The following SYNRG variants were observed in gnomAD, a reference collection of about 807,000 sequenced individuals.
SYNRG encodes AP1 gamma subunit binding protein 1.
A neutral mutation model predicts 130.9 loss-of-function variants in SYNRG; 37 were observed. The observed-to-expected ratio is 0.28, with a 90% confidence interval of 0.22 to 0.37. SYNRG has a LOEUF of 0.37. Among genes scored for constraint, SYNRG ranks in the 10% least tolerant of loss-of-function variants. The pLI is 1.00. For synonymous variants in SYNRG, 539 were observed against 568.1 expected, an observed-to-expected ratio of 0.95 and a Z score of 0.73; for missense variants, 1,338 against 1,588.9, an observed-to-expected ratio of 0.84 and a Z score of 2.68.
rs536116102 is a variant in SYNRG, at chr17:37,599,260, G to A, written c.118+1103C>T. 2.0e-5 allele frequency among the ~76,000 whole-genome samples: 3 copies of A among 152,312 alleles called. No homozygotes were observed. The South Asian group carries it at 6.2e-4, about 32-fold the overall frequency. Reference sequence around the variant, plus strand: ...ATGAGCGGAAAGAAGCCAGATGAAGGCAGATCTATTCCTTCTTCACTGTTG... The same window carrying A: ...ATGAGCGGAAAGAAGCCAGATGAAGACAGATCTATTCCTTCTTCACTGTTG... On this transcript the variant is annotated intron_variant, in intron 2 of 21. Transcript: ENST00000612223.
intron 21 of SYNRG, among the ~76,000 whole-genome samples, chr17:37,519,375 G>A (rs2054705618): frequency 6.6e-6 from 1 of 152,210 alleles, no homozygotes; most frequent in South Asian, 2.1e-4. Context: ...AACTGAAGTA[G>A]CCAAGGGCTG....
intron 8 of SYNRG, among the ~76,000 whole-genome samples, chr17:37,572,763 A>C (rs943468209): frequency 1.3e-5 from 2 of 152,220 alleles, no homozygotes; most frequent in Non-Finnish European, 2.9e-5. Context: ...AGTTTCTGTT[A>C]AGGTGAGGAA....
intron 14 of SYNRG, among the ~76,000 whole-genome samples, chr17:37,545,226 A>T (rs1388208619): frequency 1.3e-5 from 2 of 151,472 alleles, no homozygotes; most frequent in South Asian, 2.1e-4. Context: ...TCTCAAAAAA[A>T]AAAAATAATA....
chr17:37,540,164 G>C (rs946064988), intron 16 of SYNRG, among the ~76,000 whole-genome samples: 1 of 152,260 alleles, frequency 6.6e-6, no homozygotes, highest in Non-Finnish European at 1.5e-5. Flanking sequence ...TTGGTTTTAG[G>C]GTCACTGATT....
At position 37,517,752 on chromosome 17, in the gene SYNRG, G is replaced by C. The variant is rs564632558; in HGVS notation, c.*1188C>G. 6.6e-6 allele frequency: 1 copy of C among 151,764 alleles called. No homozygotes were observed. The highest frequency in any genetic ancestry group is 2.4e-5 in the African/African-American group (1 of 41,310). The allele number at this position is 151,764 out of a possible 1,614,324, so 9.4% of individuals were successfully genotyped here. A position where few individuals can be genotyped will look rare whatever the true frequency, so the allele number is the denominator to read the frequency against. On this transcript the variant is annotated 3_prime_UTR_variant, in exon 22 of 22. Coordinates refer to ENST00000612223, the MANE Select transcript of SYNRG (RefSeq NM_007247.6). ...AGATTGAAAAATCTCTTCATAAAGC[G>C]CATAATCAACAATTCAGAGAGACGT... is the stretch of plus-strand genomic sequence containing the variant.
chr17:37,581,715 T>G (rs1373171513), intron 6 of SYNRG, among the ~76,000 whole-genome samples: 1 of 151,644 alleles, frequency 6.6e-6, no homozygotes, highest in Non-Finnish European at 1.5e-5. Context: ...GCCTCCTGAG[T>G]AGCTGGGAAT....
chr17:37,604,838 G>A (rs895214346), intron 1 of SYNRG, among the ~76,000 whole-genome samples: 5 of 152,152 alleles, frequency 3.3e-5, no homozygotes, highest in African/African-American at 1.2e-4. Flanking sequence ...ATACTGTTAT[G>A]TCTCAGGGAA....
At chr17:37,565,939 G>A (rs71531506) in intron 11 of SYNRG, among the ~76,000 whole-genome samples, 3 of 147,392 alleles carry the variant, frequency 2.0e-5, no homozygotes, top group African/African-American at 8.0e-5. Flanking sequence ...TGCCCGGCCA[G>A]CCGCCCCGTC....
intron 6 of SYNRG, chr17:37,579,311 G>A (rs991640983): frequency 1.5e-5 from 19 of 1,304,264 alleles, no homozygotes; most frequent in Non-Finnish European, 1.7e-5. Flanking sequence ...GGGCTGGGAC[G>A]TGGAAGAAGG....
At chr17:37,586,652 A>G (rs917338029) in intron 3 of SYNRG, 103 bp from the exon 4 acceptor site, 37 of 1,307,848 alleles carry the variant, frequency 2.8e-5, no homozygotes, top group Middle Eastern at 1.9e-4. Context: ...TCTTATTTGT[A>G]AAAAATAGAA....
rs1179705244 is a variant in SYNRG at position 37,579,238 on chromosome 17, C to T, written c.590-1625G>A. 11 of 1,286,230 alleles carry T rather than the reference C, an allele frequency of 8.6e-6. No individual in the cohort carries two copies. In the South Asian group the frequency reaches 1.4e-4, roughly 16 times the overall value. The allele number at this position is 1,286,230 out of a possible 1,614,324, so 79.7% of individuals were successfully genotyped here. On this transcript the variant is annotated intron_variant, in intron 6 of 21. Transcript: ENST00000612223. The stretch of plus-strand genomic sequence containing the variant: ...CTGGACTCTGACTTGGAGGGAGAGG[C>T]TGTGTCCCAGCCTTCTGTGTATGCA...
intron 6 of SYNRG, chr17:37,579,513 C>A: frequency 9.2e-7 from 1 of 1,081,572 alleles, no homozygotes; most frequent in Non-Finnish European, 1.2e-6. Context: ...TAGTACAATT[C>A]CAAAAGAATA....
rs901644507 is a variant in SYNRG, at chr17:37,579,888, C to CTT, written c.590-2277_590-2276dup. On this transcript the variant is annotated intron_variant, in intron 6 of 21. Coordinates refer to ENST00000612223, the MANE Select transcript of SYNRG (RefSeq NM_007247.6). Reference sequence around the variant, plus strand: ...AGCATACCCAGCTAATTCTTCCTTTCTTTTTTTTTTTCATAGAGATGGTGT... The same window carrying CTT: ...AGCATACCCAGCTAATTCTTCCTTTCTTTTTTTTTTTTTCATAGAGATGGTGT... Among the ~76,000 whole-genome samples the CTT allele has an allele frequency of 4.9e-3, 723 of 147,356 alleles. 5 individuals carry two copies. The highest frequency in any genetic ancestry group is 0.039 in the Middle Eastern group (11 of 282).
Position 37,540,412 on chromosome 17 carries a change from C to T in SYNRG, c.3334G>A (p.Asp1112Asn), listed in dbSNP as rs2057635762. The change falls in exon 16 of 22, where the codon GAC (aspartate) becomes AAC (asparagine). Residue 1112 changes from aspartate to asparagine, a missense_variant. Physicochemically the swap from Asp to Asn is conservative, Grantham distance 23. Around this residue, in one of 3 missense-constraint regions of SYNRG, gnomAD observed 1,146 missense variants for 1,342.3 expected, o/e 0.85. Coordinates refer to ENST00000612223, the MANE Select transcript of SYNRG (RefSeq NM_007247.6). ...NEKPALPVIR[D>N]KYKDLTGEVE... Reference sequence around the variant, plus strand: ...TCTCCCGTCAGGTCTTTGTACTTGTCTCGGATGACGGGCAGGGCGGGCTTC... The same window carrying T: ...TCTCCCGTCAGGTCTTTGTACTTGTTTCGGATGACGGGCAGGGCGGGCTTC... 6.2e-7 allele frequency: 1 copy of T among 1,613,758 alleles called. No homozygotes were observed. The highest frequency in any genetic ancestry group is 8.5e-7 in the Non-Finnish European group (1 of 1,179,890).
chr17:37,565,193 G>A (rs945504448), intron 11 of SYNRG, among the ~76,000 whole-genome samples: 4 of 152,096 alleles, frequency 2.6e-5, no homozygotes, highest in Admixed American at 1.3e-4. Context: ...GAACCTGGGA[G>A]GCAGAAGTTG....
At chr17:37,565,204 C>T (rs1158492742) in intron 11 of SYNRG, among the ~76,000 whole-genome samples, 1 of 151,806 alleles carries the variant, frequency 6.6e-6, no homozygotes, top group East Asian at 1.9e-4. Flanking sequence ...GCAGAAGTTG[C>T]AGTGAGCCGA....
At chr17:37,573,565 C>T (rs1026641099) in intron 8 of SYNRG, among the ~76,000 whole-genome samples, 1 of 152,080 alleles carries the variant, frequency 6.6e-6, no homozygotes, top group Non-Finnish European at 1.5e-5. Context: ...ATTCGTTTGG[C>T]TTGAGGACAG....
intron 19 of SYNRG, among the ~76,000 whole-genome samples, chr17:37,522,485 T>A (rs2055225839): frequency 6.6e-6 from 1 of 151,674 alleles, no homozygotes; most frequent in Non-Finnish European, 1.5e-5. Flanking sequence ...TTATTTATTT[T>A]GAGACAGGGT....
At chr17:37,527,794 G>A (rs2056126805) in intron 19 of SYNRG, among the ~76,000 whole-genome samples, 1 of 152,098 alleles carries the variant, frequency 6.6e-6, no homozygotes, top group Non-Finnish European at 1.5e-5. Context: ...CAGAAATGGG[G>A]GATGTCCTGG....
Sources: allele counts gnomAD v4.1 joint callset (sites outside exome capture counted in the v4.1 genomes callset), GRCh38; gene constraint gnomAD v4.1.1; regional missense constraint gnomAD v4.1.1; transcripts MANE v1.5; gene names NCBI Gene and HGNC (gene_info 2026-07-23, HGNC 2026-07-21).